SH3BGR: variants seen among roughly 807,000 people sequenced by gnomAD.
SH3BGR encodes the protein SH3 domain-binding glutamic acid-rich protein.
Under a neutral mutation model 24.5 loss-of-function variants are expected in SH3BGR, and 29 were observed. The observed-to-expected ratio is 1.18, with a 90% CI of 0.88 to 1.61. SH3BGR has a LOEUF of 1.61. Among genes scored for constraint, SH3BGR ranks in the 40% most tolerant of loss-of-function variants. The pLI, the probability that SH3BGR is intolerant of heterozygous loss-of-function variation, is 0.00. For synonymous variants in SH3BGR, 55 were observed against 65.7 expected (o/e 0.84, Z 0.79); for missense variants, 162 against 205.8 (o/e 0.79, Z 1.30).
chr21:39,460,581 T>G lies in SH3BGR; in HGVS notation c.46-1794T>G, dbSNP rs1460731411. On this transcript the variant is annotated intron_variant, in intron 1 of 6. Transcript: ENST00000333634. ...GCCTCCCAGGTTCAAGTGATTCTAC[T>G]GCCTCAGCCTCCCGAGTAGCAGAGA... Among the ~76,000 whole-genome samples the G allele has an allele frequency of 2.0e-5, 3 of 152,214 alleles. No homozygotes were observed. In the East Asian group the frequency reaches 5.8e-4, roughly 29 times the overall value.
At chr21:39,492,083 T>G (rs569499705) in intron 3 of SH3BGR, among the ~76,000 whole-genome samples, 2 of 152,362 alleles carry the variant, frequency 1.3e-5, no homozygotes, top group African/African-American at 4.8e-5. Flanking sequence ...GTATGTATTT[T>G]TTAAGTTTTT....
intron 3 of SH3BGR, among the ~76,000 whole-genome samples, chr21:39,479,762 TTC>T (rs1206336165): frequency 6.6e-6 from 1 of 152,198 alleles, no homozygotes; most frequent in Non-Finnish European, 1.5e-5. Context: ...TACTTCTTCT[TTC>T]TCTCACATCG....
chr21:39,510,664 A>T lies in SH3BGR; in HGVS notation c.436-1016A>T, dbSNP rs192129639. Among the ~76,000 whole-genome samples the T allele has an allele frequency of 2.5e-3, 381 of 152,076 alleles. 7 individuals carry two copies. Among genetic ancestry groups the T allele is most frequent in the Admixed American group, 0.019 (287 of 15,272 alleles). On this transcript the variant is annotated intron_variant, in intron 5 of 6. Transcript: ENST00000333634. ...TCTACACCATGATTTCTCAATATTTACGTCTTTCCAATAATTATTTCTTTT... is the reference window on the plus strand; with the variant it reads ...TCTACACCATGATTTCTCAATATTTTCGTCTTTCCAATAATTATTTCTTTT...
intron 1 of SH3BGR, among the ~76,000 whole-genome samples, chr21:39,462,057 C>A (rs528415325): frequency 1.3e-5 from 2 of 152,206 alleles, no homozygotes; most frequent in East Asian, 3.9e-4. Flanking sequence ...CCACGTTGGT[C>A]AAGCTGGTGT....
chr21:39,498,246 T>G (rs1452494146), intron 3 of SH3BGR, among the ~76,000 whole-genome samples: 1 of 152,152 alleles, frequency 6.6e-6, no homozygotes, highest in Non-Finnish European at 1.5e-5. Flanking sequence ...CGTATCACAT[T>G]TTTAATACTG....
intron 4 of SH3BGR, among the ~76,000 whole-genome samples, chr21:39,506,291 A>G (rs962303045): frequency 6.6e-6 from 1 of 152,188 alleles, no homozygotes; most frequent in Non-Finnish European, 1.5e-5. Flanking sequence ...CTCCTTGGAA[A>G]TGTTTTGAGC....
chr21:39,488,205 A>G (rs2078241629), intron 3 of SH3BGR: 2 of 152,394 alleles, frequency 1.3e-5, no homozygotes, highest in Admixed American at 1.3e-4. Flanking sequence ...AAGCAATACC[A>G]TCAGAAACCT....
chr21:39,475,227 CA>C lies in SH3BGR; in HGVS notation c.312+15del. On this transcript the variant is annotated intron_variant, in intron 3 of 6. Coordinates refer to ENST00000333634, the MANE Select transcript of SH3BGR (RefSeq NM_007341.3). ...CTCCAGACTCAAAGGTAAGTTTGAA[CA>C]AACTCCATTGGGGTTCAAAACAGGT... is the stretch of plus-strand genomic sequence containing the variant. 6.5e-7 allele frequency: 1 copy of C among 1,542,406 alleles called. No individual in the cohort carries two copies. Among genetic ancestry groups the C allele is most frequent in the South Asian group, 1.1e-5 (1 of 89,582 alleles).
intron 1 of SH3BGR, among the ~76,000 whole-genome samples, chr21:39,455,042 C>T (rs767262873): frequency 2.6e-5 from 4 of 152,172 alleles, no homozygotes; most frequent in Admixed American, 6.5e-5. Flanking sequence ...AAACACAGGT[C>T]GTCTCTGGCT....
chr21:39,511,477 GGTAT>G lies in SH3BGR; in HGVS notation c.436-200_436-197del, dbSNP rs536507094. ...TTCCGTGGTGTGTGTGTGTTTGGGCGGTATGTGTGTGGGGTGTGTGTGTGGCATG... is the reference window on the plus strand; with the variant it reads ...TTCCGTGGTGTGTGTGTGTTTGGGCGGTGTGTGGGGTGTGTGTGTGGCATG... On this transcript the variant is annotated intron_variant, in intron 5 of 6. Coordinates refer to ENST00000333634, the MANE Select transcript of SH3BGR (RefSeq NM_007341.3). The surrounding 1 kb of genome is among the most constrained non-coding windows in gnomAD (Gnocchi z 4.2). 4.3e-3 allele frequency among the ~76,000 whole-genome samples: 636 copies of G among 148,440 alleles called. 2 individuals carry two copies. Among genetic ancestry groups the G allele is most frequent in the Non-Finnish European group, 8.0e-3 (537 of 66,838 alleles).
chr21:39,508,889 G>A, intron 4 of SH3BGR, 109 bp from the exon 5 acceptor site: 1 of 759,734 alleles, frequency 1.3e-6, no homozygotes, highest in South Asian at 2.0e-5. Context: ...CTAATGTGTT[G>A]TTCATTTTGA....
intron 3 of SH3BGR, among the ~76,000 whole-genome samples, chr21:39,488,933 C>T (rs1016183561): frequency 6.6e-6 from 1 of 152,078 alleles, no homozygotes; most frequent in African/African-American, 2.4e-5. Flanking sequence ...GAGCATTCAC[C>T]AATAAACTTG....
chr21:39,450,140 G>T (rs183198733), upstream of SH3BGR, among the ~76,000 whole-genome samples: 39 of 152,258 alleles, frequency 2.6e-4, no homozygotes, highest in African/African-American at 7.0e-4. Context: ...AGACTTTAAG[G>T]TGTGAAAATA....
chr21:39,461,963 C>T (rs907603375), intron 1 of SH3BGR, among the ~76,000 whole-genome samples: 1 of 152,062 alleles, frequency 6.6e-6, no homozygotes, highest in African/African-American at 2.4e-5. Flanking sequence ...ATTCTCCTGC[C>T]TCAGCCTCTC....
intron 3 of SH3BGR, among the ~76,000 whole-genome samples, chr21:39,482,961 G>A (rs993336750): frequency 1.3e-5 from 2 of 152,174 alleles, no homozygotes; most frequent in East Asian, 1.9e-4. Context: ...GAGCCACTGC[G>A]CCTGGCCTGG....
intron 4 of SH3BGR, among the ~76,000 whole-genome samples, chr21:39,505,777 G>C (rs1281780759): frequency 6.6e-6 from 1 of 152,070 alleles, no homozygotes; most frequent in Non-Finnish European, 1.5e-5. Context: ...AAAAAAAAGA[G>C]TGCTAGGTTC....
At chr21:39,510,398 T>C (rs2078661771) in intron 5 of SH3BGR, among the ~76,000 whole-genome samples, 1 of 111,686 alleles carries the variant, frequency 9.0e-6, no homozygotes, top group East Asian at 2.5e-4. Context: ...ACACTGTAGC[T>C]ACACACACAC....
At chr21:39,455,506 A>T (rs553925463) in intron 1 of SH3BGR, among the ~76,000 whole-genome samples, 195 of 152,282 alleles carry the variant, frequency 1.3e-3, no homozygotes, top group Non-Finnish European at 1.4e-3. Flanking sequence ...CCATAAAGAG[A>T]TGGACTCTTC....
intron 3 of SH3BGR, among the ~76,000 whole-genome samples, chr21:39,484,734 C>T (rs1056291684): frequency 1.3e-5 from 2 of 152,182 alleles, no homozygotes; most frequent in African/African-American, 2.4e-5. Context: ...ACAAAGAACC[C>T]CGCTAATTAG....
Sources: allele counts gnomAD v4.1 joint callset (sites outside exome capture counted in the v4.1 genomes callset), GRCh38; gene constraint gnomAD v4.1.1; non-coding constraint Gnocchi (gnomAD v3.1); transcripts MANE v1.5; gene names NCBI Gene and HGNC (gene_info 2026-07-23, HGNC 2026-07-21).